The following ANKRD11 variants were observed in gnomAD, a reference collection of about 807,000 sequenced individuals.
The protein encoded by ANKRD11 is ankyrin repeat domain-containing protein 11.
In ANKRD11, 17 loss-of-function variants were observed where a neutral mutation model predicts 195.7. The observed-to-expected ratio is 0.09, with a 90% CI of 0.06 to 0.13. ANKRD11 has a LOEUF of 0.13. Among genes scored for constraint, ANKRD11 ranks in the 10% least tolerant of loss-of-function variants. The pLI, the probability that ANKRD11 is intolerant of heterozygous loss-of-function variation, is 1.00. For missense variants in ANKRD11, 3,735 were observed against 3,566.1 expected, an observed-to-expected ratio of 1.05 and a Z score of -1.21; for synonymous variants, 1,953 against 1,528.1, an observed-to-expected ratio of 1.28 and a Z score of -6.49.
intron 3 of ANKRD11, among the ~76,000 whole-genome samples, chr16:89,314,499 C>A (rs182996935): frequency 6.5e-4 from 99 of 152,258 alleles, no homozygotes; most frequent in African/African-American, 2.2e-3. Flanking sequence ...GGACACCCTG[C>A]CTCCTGCGCC....
rs190575195 is a variant in ANKRD11, at chr16:89,438,094, G to A, written c.-144-19726C>T. Among the ~76,000 whole-genome samples, 500 of 152,304 alleles carry A rather than the reference G, an allele frequency of 3.3e-3. 2 individuals carry two copies. Among genetic ancestry groups the A allele is most frequent in the African/African-American group, 0.011 (448 of 41,576 alleles). On this transcript the variant is annotated intron_variant, in intron 1 of 12. Transcript: ENST00000301030. Reference sequence around the variant, plus strand: ...AGAGCCCGCTGGCCAGGAGGGCACCGCAAGCTTGGACACAGCAGGGGCACT... The same window carrying A: ...AGAGCCCGCTGGCCAGGAGGGCACCACAAGCTTGGACACAGCAGGGGCACT...
At chr16:89,403,058 G>A (rs1172237538) in intron 2 of ANKRD11, among the ~76,000 whole-genome samples, 3 of 152,182 alleles carry the variant, frequency 2.0e-5, no homozygotes, top group African/African-American at 7.2e-5. Context: ...CAACTGCGTG[G>A]TGGCGGGTGG....
At chr16:89,324,514 C>T in intron 2 of ANKRD11, 1 of 456,224 alleles carries the variant, frequency 2.2e-6, no homozygotes, top group Non-Finnish European at 4.4e-6. Context: ...CTTGAGGAAG[C>T]TGCCAAAGGA....
Position 89,305,431 on chromosome 16 carries a change from G to A in ANKRD11, c.88-87C>T, listed in dbSNP as rs2277908. Reference sequence around the variant, plus strand: ...TTTTGTTTCATATGCCAGGAGAAGCGCATCTCTTATTTGGGCAATGAACAC... The same window carrying A: ...TTTTGTTTCATATGCCAGGAGAAGCACATCTCTTATTTGGGCAATGAACAC... On this transcript the variant is annotated intron_variant, in intron 3 of 12. Coordinates refer to ENST00000301030, the MANE Select transcript of ANKRD11 (RefSeq NM_013275.6). 0.76 allele frequency: 1,190,166 copies of A among 1,575,252 alleles called. 451,070 individuals are homozygous for A. The highest frequency in any genetic ancestry group is 0.79 in the Middle Eastern group (4,698 of 5,964).
At chr16:89,304,742 C>G (rs549519186) in intron 4 of ANKRD11, among the ~76,000 whole-genome samples, 1 of 152,322 alleles carries the variant, frequency 6.6e-6, no homozygotes, top group South Asian at 2.1e-4. Context: ...CACATTCCTG[C>G]TCTGCAGCCT....
intron 2 of ANKRD11, among the ~76,000 whole-genome samples, chr16:89,349,133 G>GAAAAAAAAAAAAAAAAA (rs2039078338): frequency 6.4e-4 from 1 of 1,574 alleles, no homozygotes; most frequent in African/African-American, 4.3e-3. Flanking sequence ...GTCTCAAAAA[G>GAAAAAAAAAAAAAAAAA]TAAAAAAAAA....
intron 2 of ANKRD11, among the ~76,000 whole-genome samples, chr16:89,332,708 G>C (rs1235856677): frequency 6.6e-5 from 10 of 152,140 alleles, no homozygotes; most frequent in Admixed American, 6.5e-4. Flanking sequence ...CCTCCGGCAG[G>C]GCCTGGTCTG....
intron 1 of ANKRD11, among the ~76,000 whole-genome samples, chr16:89,468,366 C>G (rs2056955911): frequency 6.6e-6 from 1 of 152,074 alleles, no homozygotes; most frequent in Admixed American, 6.6e-5. Flanking sequence ...ATTTTGCACC[C>G]CTTGAACCCA....
chr16:89,411,576 G>T (rs531780048), intron 2 of ANKRD11, among the ~76,000 whole-genome samples: 1 of 152,044 alleles, frequency 6.6e-6, no homozygotes, highest in South Asian at 2.1e-4. Flanking sequence ...ACCACGCCTG[G>T]CTAATTTTTG....
intron 2 of ANKRD11, among the ~76,000 whole-genome samples, chr16:89,369,119 C>G (rs1458874874): frequency 6.6e-6 from 1 of 152,124 alleles, no homozygotes; most frequent in Non-Finnish European, 1.5e-5. Flanking sequence ...GCCTGACAAT[C>G]TACCCTAGAA....
At chr16:89,463,806 T>C (rs1253752216) in intron 1 of ANKRD11, among the ~76,000 whole-genome samples, 1 of 105,262 alleles carries the variant, frequency 9.5e-6, no homozygotes. Context: ...ACACAAGCAA[T>C]AGACTGTTAA....
intron 2 of ANKRD11, among the ~76,000 whole-genome samples, chr16:89,350,510 T>C (rs1194339896): frequency 2.0e-5 from 3 of 152,070 alleles, no homozygotes; most frequent in Middle Eastern, 3.4e-3. Context: ...AGAACCCAGA[T>C]CAATCTCAAA....
In ANKRD11 at chr16:89,291,023, G is replaced by A. The variant is rs771496583; in HGVS notation, c.387C>T (p.Ala129=). 6.2e-7 allele frequency: 1 copy of A among 1,611,754 alleles called. No individual in the cohort carries two copies. Among genetic ancestry groups the A allele is most frequent in the East Asian group, 2.2e-5 (1 of 44,874 alleles). ...ACAGGCCGGGCTCACCTGGGCTGTT[G>A]GCAGACTCCTCGGCCGTCATCTGCA... ...LLMQMTAEES[A]NSPVDTTPKH... The change falls in exon 5 of 13, where the codon GCC becomes GCT. Residue 129 remains alanine, a synonymous_variant. Transcript: ENST00000301030. The surrounding 1 kb of genome is among the most constrained non-coding windows in gnomAD (Gnocchi z 5.3).
intron 2 of ANKRD11, among the ~76,000 whole-genome samples, chr16:89,342,068 A>ACCT (rs1465298166): frequency 0.087 from 6,726 of 77,368 alleles, 1,846 homozygotes; most frequent in Non-Finnish European, 0.12. Context: ...GGAGTGCTGC[A>ACCT]CCTCCACCGC....
intron 9 of ANKRD11, chr16:89,278,852 G>T (rs1053419842): frequency 1.3e-6 from 1 of 779,014 alleles, no homozygotes; most frequent in South Asian, 1.5e-5. Flanking sequence ...GGCCTGGCAC[G>T]GACCAGCTGG....
At chr16:89,411,208 C>T (rs1156418499) in intron 2 of ANKRD11, among the ~76,000 whole-genome samples, 1 of 152,258 alleles carries the variant, frequency 6.6e-6, no homozygotes, top group Non-Finnish European at 1.5e-5. Context: ...TCCACCACAT[C>T]CCCTCTCGTG....
chr16:89,331,007 GCAATGGTGC>G (rs1263735936), intron 2 of ANKRD11, among the ~76,000 whole-genome samples: 1 of 152,246 alleles, frequency 6.6e-6, no homozygotes, highest in Admixed American at 6.5e-5. Flanking sequence ...AGGCTGGAGT[GCAATGGTGC>G]CATCTCGGCT....
chr16:89,365,133 G>A (rs967899899), intron 2 of ANKRD11, among the ~76,000 whole-genome samples: 2 of 152,150 alleles, frequency 1.3e-5, no homozygotes. Flanking sequence ...GACCATGTTT[G>A]CTTTCCTTTT....
At chr16:89,333,049 G>A (rs533757754) in intron 2 of ANKRD11, among the ~76,000 whole-genome samples, 5 of 152,288 alleles carry the variant, frequency 3.3e-5, no homozygotes, top group African/African-American at 9.6e-5. Flanking sequence ...GAACCCCCAG[G>A]GAAGAAGGGC....
Sources: gnomAD v4.1 joint callset for allele counts (sites outside exome capture counted in the v4.1 genomes callset) on GRCh38, gnomAD v4.1.1 for gene constraint, Gnocchi (gnomAD v3.1) non-coding constraint, MANE v1.5 for transcripts, NCBI Gene and HGNC (gene_info 2026-07-23, HGNC 2026-07-21) for gene names.